The following RYR3 variants were observed in gnomAD, a reference collection of about 807,000 sequenced individuals.
RYR3 encodes the protein ryanodine receptor 3.
RYR3 carries 207 observed loss-of-function variants against 584.3 expected under a neutral mutation model. The ratio of observed to expected loss-of-function variants is 0.35; its 90% CI spans 0.32 to 0.40. The LOEUF (loss-of-function observed/expected upper bound fraction) is 0.40. Among genes scored for constraint, RYR3 ranks in the 10% least tolerant of loss-of-function variants. The probability of loss-of-function intolerance (pLI) is 1.00; values close to 1 mark genes in which losing one functional copy is unlikely to be tolerated. For missense variants in RYR3, 5,616 were observed against 6,089.2 expected, an observed-to-expected ratio of 0.92 and a Z score of 2.59; for synonymous variants, 2,416 against 2,248.5, an observed-to-expected ratio of 1.07 and a Z score of -2.11.
At chr15:33,500,579 G>A (rs2051885318) in intron 2 of RYR3, among the ~76,000 whole-genome samples, 1 of 152,070 alleles carries the variant, frequency 6.6e-6, no homozygotes, top group Non-Finnish European at 1.5e-5. Flanking sequence ...CTAGGTTCAG[G>A]GCAGGGCTTG....
At position 33,838,424 on chromosome 15, in the gene RYR3, T is replaced by C. The variant is rs1450095392; in HGVS notation, c.12444T>C (p.Ser4148=). The C allele has an allele frequency of 6.2e-7, 1 of 1,614,020 alleles. No individual in the cohort carries two copies. Among genetic ancestry groups the C allele is most frequent in the East Asian group, 2.2e-5 (1 of 44,886 alleles). ...CTGCATTTGCTATGGCCTGTGCCTC[T>C]GTGAAGAGGAATGTCACCGACTTCC... ...PASAFAMACA[S]VKRNVTDFLK... Residue 4148 remains serine, a synonymous_variant, in exon 89 of 104, where the codon TCT becomes TCC. Coordinates refer to ENST00000634891, the MANE Select transcript of RYR3 (RefSeq NM_001036.6).
intron 1 of RYR3, among the ~76,000 whole-genome samples, chr15:33,402,235 A>G (rs1202893736): frequency 6.6e-6 from 1 of 152,246 alleles, no homozygotes; most frequent in East Asian, 1.9e-4. Flanking sequence ...ATAAATTCAT[A>G]CCTGCATCTG....
intron 12 of RYR3, among the ~76,000 whole-genome samples, chr15:33,569,879 A>G (rs1222785000): frequency 6.8e-6 from 1 of 146,522 alleles, no homozygotes; most frequent in East Asian, 2.0e-4. Context: ...CTTATTAGCC[A>G]TTCATGTATC....
chr15:33,361,896 G>T (rs1974815853), intron 1 of RYR3, among the ~76,000 whole-genome samples: 2 of 152,190 alleles, frequency 1.3e-5, no homozygotes, highest in South Asian at 4.1e-4. Flanking sequence ...GATGCTTGTT[G>T]TCAGGAAACC....
chr15:33,752,728 C>A (rs2071434786), intron 57 of RYR3, among the ~76,000 whole-genome samples: 1 of 152,184 alleles, frequency 6.6e-6, no homozygotes, highest in South Asian at 2.1e-4. Flanking sequence ...TTATTTCTTT[C>A]TCTTGCCTGA....
rs200343442 is a variant in RYR3 at position 33,853,697 on chromosome 15, G to C, written c.13799+15G>C. The C allele has an allele frequency of 7.5e-5, 120 of 1,609,706 alleles. No individual in the cohort carries two copies. In the African/African-American group the frequency reaches 1.5e-3, roughly 20 times the overall value. ...CTGGTGTCATGGTACAAAAAGCTTA[G>C]GAGTTCAAATCCAAAGCAGCTAAAA... On this transcript the variant is annotated intron_variant, in intron 96 of 103. Transcript: ENST00000634891.
At chr15:33,543,345 T>C (rs2055976416) in intron 7 of RYR3, among the ~76,000 whole-genome samples, 1 of 152,178 alleles carries the variant, frequency 6.6e-6, no homozygotes, top group Non-Finnish European at 1.5e-5. Flanking sequence ...CCTTTTGATT[T>C]TTAATGATAT....
Position 33,504,800 on chromosome 15 carries a change from C to T in RYR3, c.279+1062C>T, listed in dbSNP as rs1302775605. Among the ~76,000 whole-genome samples, 4 of 152,204 alleles carry T rather than the reference C, an allele frequency of 2.6e-5. No individual in the cohort carries two copies. The East Asian group carries it at 7.7e-4, about 29-fold the overall frequency. On this transcript the variant is annotated intron_variant, in intron 3 of 103. Coordinates refer to ENST00000634891, the MANE Select transcript of RYR3 (RefSeq NM_001036.6). Reference sequence around the variant, plus strand: ...TCTCTCTGCCTCAAACATGCCAGTTCTCTTTTGCCTCTGATCCTGCATATC... The same window carrying T: ...TCTCTCTGCCTCAAACATGCCAGTTTTCTTTTGCCTCTGATCCTGCATATC...
intron 3 of RYR3, among the ~76,000 whole-genome samples, chr15:33,513,222 A>G (rs1469883093): frequency 6.6e-6 from 1 of 152,198 alleles, no homozygotes; most frequent in Non-Finnish European, 1.5e-5. Context: ...ACATATTTGT[A>G]GTGAGAAATG....
At chr15:33,737,553 C>T (rs1011714527) in intron 49 of RYR3, among the ~76,000 whole-genome samples, 1 of 152,172 alleles carries the variant, frequency 6.6e-6, no homozygotes, top group Non-Finnish European at 1.5e-5. Flanking sequence ...TCCCAGAGGG[C>T]TTTAGTTCAA....
At chr15:33,805,696 C>T (rs188941956) in intron 69 of RYR3, among the ~76,000 whole-genome samples, 7,407 of 151,642 alleles carry the variant, frequency 0.049, 414 homozygotes, top group African/African-American at 0.14. Context: ...CCAGGATGGT[C>T]TCGATCTCCT....
chr15:33,582,467 C>G (rs941603531), intron 14 of RYR3, among the ~76,000 whole-genome samples: 3 of 152,186 alleles, frequency 2.0e-5, no homozygotes, highest in African/African-American at 4.8e-5. Context: ...CTGTATGACC[C>G]TGTAAAGTGT....
chr15:33,615,006 A>G (rs2060380698), intron 19 of RYR3, among the ~76,000 whole-genome samples: 1 of 152,134 alleles, frequency 6.6e-6, no homozygotes, highest in African/African-American at 2.4e-5. Context: ...TACCAGTTGG[A>G]TGCTATTTTT....
intron 1 of RYR3, among the ~76,000 whole-genome samples, chr15:33,348,496 A>T (rs1332731312): frequency 6.6e-6 from 1 of 151,936 alleles, no homozygotes; most frequent in African/African-American, 2.4e-5. Context: ...TATTTTTGAG[A>T]TGGAGTTTCA....
intron 1 of RYR3, among the ~76,000 whole-genome samples, chr15:33,360,377 A>G (rs1256453514): frequency 1.3e-5 from 2 of 152,062 alleles, no homozygotes; most frequent in Non-Finnish European, 2.9e-5. Context: ...CCTACAGTAT[A>G]TGCTCTTTTG....
At chr15:33,748,782 G>T (rs181330797) in intron 55 of RYR3, among the ~76,000 whole-genome samples, 1 of 152,048 alleles carries the variant, frequency 6.6e-6, no homozygotes, top group Non-Finnish European at 1.5e-5. Flanking sequence ...CACCACCAGC[G>T]CACTAGAGTC....
At chr15:33,601,093 G>A (rs1243369677) in intron 16 of RYR3, among the ~76,000 whole-genome samples, 2 of 152,136 alleles carry the variant, frequency 1.3e-5, no homozygotes, top group African/African-American at 2.4e-5. Context: ...TATTGTCTTA[G>A]ACAGTCTGTC....
chr15:33,864,256 C>A, intron 103 of RYR3, 67 bp downstream of exon 103: 1 of 1,243,000 alleles, frequency 8.0e-7, no homozygotes, highest in Non-Finnish European at 1.1e-6. Flanking sequence ...CTTAGTAGGG[C>A]ATAGGTTATC....
chr15:33,566,096 T>C (rs2057700887), intron 11 of RYR3, among the ~76,000 whole-genome samples: 1 of 152,202 alleles, frequency 6.6e-6, no homozygotes, highest in African/African-American at 2.4e-5. Context: ...ATAGCAGGAC[T>C]AGACAAAGGT....
Sources: gnomAD v4.1 joint callset for allele counts (sites outside exome capture counted in the v4.1 genomes callset) on GRCh38, gnomAD v4.1.1 for gene constraint, MANE v1.5 for transcripts, NCBI Gene and HGNC (gene_info 2026-07-23, HGNC 2026-07-21) for gene names.